Variants in PDE4B observed in about 807,000 individuals in gnomAD.
The protein encoded by PDE4B is 3',5'-cyclic-AMP phosphodiesterase 4B.
A neutral mutation model predicts 82.2 loss-of-function variants in PDE4B; 20 were observed. The observed-to-expected ratio is 0.24, with a 90% CI of 0.17 to 0.35. The LOEUF is 0.35. Among genes scored for constraint, PDE4B ranks in the 10% least tolerant of loss-of-function variants. The pLI, the probability that PDE4B is intolerant of heterozygous loss-of-function variation, is 1.00. For missense variants in PDE4B, 655 were observed against 907.2 expected (o/e 0.72, Z 3.57); for synonymous variants, 320 against 318.9 (o/e 1.00, Z -0.04).
At chr1:65,864,549 G>A (rs1178022424) in intron 1 of PDE4B, among the ~76,000 whole-genome samples, 8 of 152,008 alleles carry the variant, frequency 5.3e-5, no homozygotes, top group African/African-American at 1.9e-4. Flanking sequence ...TTTTGTGCGG[G>A]GGTCCTTTAT....
At chr1:66,185,890 T>A (rs1647190740) in intron 3 of PDE4B, among the ~76,000 whole-genome samples, 1 of 152,218 alleles carries the variant, frequency 6.6e-6, no homozygotes, top group Admixed American at 6.5e-5. Context: ...TTTTGGTGTT[T>A]TAGATATGAA....
At chr1:66,051,987 G>A (rs1354704894) in intron 3 of PDE4B, among the ~76,000 whole-genome samples, 2 of 104,798 alleles carry the variant, frequency 1.9e-5, no homozygotes, top group Non-Finnish European at 4.1e-5. Flanking sequence ...CATCTTCTGA[G>A]GTTCTGTTGG....
intron 1 of PDE4B, among the ~76,000 whole-genome samples, chr1:65,834,291 G>A (rs1471062106): frequency 6.6e-6 from 1 of 152,146 alleles, no homozygotes. Flanking sequence ...TGGTCCACCT[G>A]CCTTGGCCTC....
At chr1:65,917,711 G>A (rs917544294) in intron 2 of PDE4B, among the ~76,000 whole-genome samples, 12 of 152,142 alleles carry the variant, frequency 7.9e-5, no homozygotes, top group Admixed American at 3.9e-4. Context: ...GTACTTGAAC[G>A]TGGCAGTTCA....
In PDE4B at chr1:66,247,569, A is replaced by C. The variant is rs563785652; in HGVS notation, c.391A>C (p.Arg131=). The C allele has an allele frequency of 1.9e-6, 3 of 1,612,432 alleles. No homozygotes were observed. Among genetic ancestry groups the C allele is most frequent in the Non-Finnish European group, 2.5e-6 (3 of 1,179,174 alleles). The change falls in exon 4 of 17, where the codon AGA becomes CGA. Residue 131 remains arginine, a synonymous_variant. Transcript: ENST00000341517. ...CACCTTTCCTGGGCACAGCCAGCGCAGAGAGTCATTTCTCTACAGATCAGA... is the reference window on the plus strand; with the variant it reads ...CACCTTTCCTGGGCACAGCCAGCGCCGAGAGTCATTTCTCTACAGATCAGA... ...HATFPGHSQR[R]ESFLYRSDSD... is the part of the protein sequence containing the mutation.
At chr1:65,992,811 G>A in intron 3 of PDE4B, 5 of 1,474,974 alleles carry the variant, frequency 3.4e-6, no homozygotes, top group Non-Finnish European at 4.5e-6. Context: ...ACTGGAAATA[G>A]TTTGCAGACT....
chr1:66,056,327 G>T (rs914419876), intron 3 of PDE4B, among the ~76,000 whole-genome samples: 2 of 152,162 alleles, frequency 1.3e-5, no homozygotes. Flanking sequence ...TGCCTTTCCT[G>T]GCTGTGGTCA....
chr1:65,854,203 AAT>A (rs1013462065), intron 1 of PDE4B, among the ~76,000 whole-genome samples: 3 of 151,268 alleles, frequency 2.0e-5, no homozygotes, highest in Non-Finnish European at 2.9e-5. Context: ...TATATATGCA[AAT>A]ATATATATAC....
intron 3 of PDE4B, among the ~76,000 whole-genome samples, chr1:66,083,868 T>G (rs1471298530): frequency 2.6e-5 from 4 of 152,198 alleles, no homozygotes; most frequent in Non-Finnish European, 5.9e-5. Flanking sequence ...TTGTATCATA[T>G]GGTATTATTC....
intron 7 of PDE4B, among the ~76,000 whole-genome samples, chr1:66,310,554 A>G (rs1327255495): frequency 6.6e-6 from 1 of 152,154 alleles, no homozygotes; most frequent in Non-Finnish European, 1.5e-5. Context: ...CTCATATTCA[A>G]TTTTTAGAGC....
Position 66,300,685 on chromosome 1 carries a change from C to T in PDE4B, c.635-31823C>T, listed in dbSNP as rs141091182. ...GCTGTGACTACAAAGATGAATTGGA[C>T]GCAGACCCTGAACTCAAGATCTTTA... is the stretch of plus-strand genomic sequence containing the variant. On this transcript the variant is annotated intron_variant, in intron 7 of 16. Coordinates refer to ENST00000341517, the MANE Select transcript of PDE4B (RefSeq NM_002600.4). 1.1e-3 allele frequency among the ~76,000 whole-genome samples: 172 copies of T among 152,268 alleles called. No individual in the cohort carries two copies. The Middle Eastern group carries it at 0.014, about 12-fold the overall frequency.
intron 1 of PDE4B, among the ~76,000 whole-genome samples, chr1:65,885,726 G>A (rs956834603): frequency 6.6e-6 from 1 of 151,932 alleles, no homozygotes; most frequent in African/African-American, 2.4e-5. Flanking sequence ...TGGGGGAAGT[G>A]GGGAGGGAAA....
chr1:66,372,914 G>C lies in PDE4B; in HGVS notation c.*236G>C, dbSNP rs1021039297. The stretch of plus-strand genomic sequence containing the variant: ...GGAGAGGGCTGAAGCTGTTGCTGGG[G>C]GCCGATTCTGATCAAGACACATGGC... On this transcript the variant is annotated 3_prime_UTR_variant, in exon 17 of 17. Coordinates refer to ENST00000341517, the MANE Select transcript of PDE4B (RefSeq NM_002600.4). The C allele has an allele frequency of 4.1e-6, 2 of 489,660 alleles. No individual in the cohort carries two copies. The highest frequency in any genetic ancestry group is 7.4e-6 in the Non-Finnish European group (2 of 272,086). The allele number at this position is 489,660 out of a possible 1,614,324, so 30.3% of individuals were successfully genotyped here.
intron 3 of PDE4B, among the ~76,000 whole-genome samples, chr1:66,009,897 C>T (rs1332282853): frequency 7.2e-6 from 1 of 137,950 alleles, no homozygotes; most frequent in Non-Finnish European, 1.6e-5. Context: ...TCCATATGAT[C>T]TGTATCTTTA....
intron 1 of PDE4B, among the ~76,000 whole-genome samples, chr1:65,875,050 A>G (rs1172749803): frequency 2.0e-5 from 3 of 150,906 alleles, no homozygotes; most frequent in African/African-American, 7.3e-5. Context: ...CAACCTACTC[A>G]TCTGACAAAG....
At position 66,298,750 on chromosome 1, in the gene PDE4B, A is replaced by G. The variant is rs143718201; in HGVS notation, c.634+32663A>G. On this transcript the variant is annotated intron_variant, in intron 7 of 16. Transcript: ENST00000341517. ...ACAAACATTCCCTGAAAAATTGTGG[A>G]GAGGTTCCATACAGTGGAACTTGAG... Among the ~76,000 whole-genome samples the G allele has an allele frequency of 1.8e-3, 273 of 152,212 alleles. 2 individuals carry two copies. The highest frequency in any genetic ancestry group is 6.1e-3 in the African/African-American group (254 of 41,534).
chr1:65,840,504 A>C (rs1199910041), intron 1 of PDE4B, among the ~76,000 whole-genome samples: 1 of 152,198 alleles, frequency 6.6e-6, no homozygotes. Context: ...AGCATTTCTT[A>C]ATATTATTGT....
chr1:66,209,408 T>C (rs533643734), intron 3 of PDE4B, among the ~76,000 whole-genome samples: 28 of 152,318 alleles, frequency 1.8e-4, no homozygotes, highest in African/African-American at 6.7e-4. Flanking sequence ...CTGGATGTAG[T>C]GTCTTGGATT....
intron 3 of PDE4B, among the ~76,000 whole-genome samples, chr1:66,019,635 G>A (rs1652982006): frequency 1.3e-5 from 2 of 152,124 alleles, no homozygotes; most frequent in South Asian, 4.1e-4. Context: ...TTACAGGCAT[G>A]AGCCACCGTG....
Sources: gnomAD v4.1 joint callset for allele counts (sites outside exome capture counted in the v4.1 genomes callset) on GRCh38, gnomAD v4.1.1 for gene constraint, MANE v1.5 for transcripts, NCBI Gene and HGNC (gene_info 2026-07-23, HGNC 2026-07-21) for gene names.